TOPAZ1: variants seen among roughly 807,000 people sequenced by gnomAD.
TOPAZ1 encodes the protein protein TOPAZ1.
Under a neutral mutation model 172.2 loss-of-function variants are expected in TOPAZ1, and 66 were observed. The observed-to-expected ratio is 0.38, with a 90% CI of 0.31 to 0.47. The LOEUF (loss-of-function observed/expected upper bound fraction) is 0.47. Among genes scored for constraint, TOPAZ1 ranks in the 20% least tolerant of loss-of-function variants. The pLI is 0.99. For missense variants in TOPAZ1, 1,822 were observed against 1,972.4 expected (o/e 0.92, Z 1.44); for synonymous variants, 681 against 683.9 (o/e 1.00, Z 0.07).
At chr3:44,273,844 G>C (rs1699923505) in intron 8 of TOPAZ1, among the ~76,000 whole-genome samples, 1 of 152,084 alleles carries the variant, frequency 6.6e-6, no homozygotes, top group Admixed American at 6.5e-5. Flanking sequence ...ATATAGATAG[G>C]CAAATTATTA....
In TOPAZ1 at chr3:44,290,803, G is replaced by A. The variant is rs1700128825; in HGVS notation, c.3714G>A (p.Glu1238=). 1 of 1,549,746 alleles carries A rather than the reference G, an allele frequency of 6.5e-7. No individual in the cohort carries two copies. Residue 1238 remains glutamate, a synonymous_variant, in exon 12 of 20, where the codon GAG becomes GAA. Transcript: ENST00000309765. ...LVEAGMVLDP[E]HFNYIVKLLY... ...AAGCCGGGATGGTGCTTGACCCAGA[G>A]CACTTTAACTATATTGTTAAGCTTT...
chr3:44,278,871 A>G (rs934984686), intron 8 of TOPAZ1, among the ~76,000 whole-genome samples: 20 of 136,954 alleles, frequency 1.5e-4, no homozygotes, highest in African/African-American at 5.2e-4. Flanking sequence ...TCCTTCTACT[A>G]GTTTTGGGTT....
intron 8 of TOPAZ1, among the ~76,000 whole-genome samples, chr3:44,276,666 G>A (rs1184629816): frequency 3.8e-5 from 2 of 52,754 alleles, no homozygotes; most frequent in Non-Finnish European, 6.9e-5. Flanking sequence ...AGAATTGCTT[G>A]GCCTATTCTG....
Position 44,328,264 on chromosome 3 carries a change from G to T in TOPAZ1, c.4690G>T (p.Gly1564Cys), listed in dbSNP as rs1700625059. The change falls in exon 19 of 20, where the codon GGT becomes TGT. Residue 1564 changes from glycine to cysteine, a missense_variant. Around this residue, in one of 2 missense-constraint regions of TOPAZ1, gnomAD observed 333 missense variants for 481.7 expected, o/e 0.69. Coordinates refer to ENST00000309765, the MANE Select transcript of TOPAZ1 (RefSeq NM_001145030.2). ...RAHYKSALSLGCYPPLEGNLY... is the reference protein window; with the variant it reads ...RAHYKSALSLCCYPPLEGNLY... ...TGATTTTTCAGGTGCTCTTTCCTTGGGTTGCTACCCACCATTGGAAGGAAA... is the reference window on the plus strand; with the variant it reads ...TGATTTTTCAGGTGCTCTTTCCTTGTGTTGCTACCCACCATTGGAAGGAAA... The T allele has an allele frequency of 6.7e-7, 1 of 1,495,798 alleles. No individual in the cohort carries two copies. The highest frequency in any genetic ancestry group is 1.3e-5 in the South Asian group (1 of 75,240). 92.7% of individuals were successfully genotyped at this position (1,495,798 alleles called of 1,614,324 possible).
At chr3:44,291,147 T>A (rs557684208) in intron 12 of TOPAZ1, among the ~76,000 whole-genome samples, 3 of 152,284 alleles carry the variant, frequency 2.0e-5, no homozygotes, top group Non-Finnish European at 4.4e-5. Flanking sequence ...TATCTTCTGT[T>A]TCACCACTTA....
At chr3:44,275,456 T>C (rs1699943329) in intron 8 of TOPAZ1, among the ~76,000 whole-genome samples, 1 of 152,106 alleles carries the variant, frequency 6.6e-6, no homozygotes, top group Non-Finnish European at 1.5e-5. Context: ...ATGGTATATG[T>C]GTCTTTGTGC....
chr3:44,290,761 T>C lies in TOPAZ1; in HGVS notation c.3682-10T>C. 6.6e-7 allele frequency: 1 copy of C among 1,521,040 alleles called. No homozygotes were observed. Among genetic ancestry groups the C allele is most frequent in the Non-Finnish European group, 8.9e-7 (1 of 1,125,938 alleles). The allele number at this position is 1,521,040 out of a possible 1,614,324, so 94.2% of individuals were successfully genotyped here. A position where few individuals can be genotyped will look rare whatever the true frequency, so the allele number is the denominator to read the frequency against. On this transcript the variant is annotated splice_polypyrimidine_tract_variant and intron_variant, in intron 11 of 19. Transcript: ENST00000309765. ...GTAAGAATAACCACTCTTTCTTTTC[T>C]CTTCTACAGCTTGTTGAAGCCGGGA...
Position 44,262,400 on chromosome 3 carries a change from A to G in TOPAZ1, c.2956-19A>G. The G allele has an allele frequency of 7.3e-7, 1 of 1,366,702 alleles. No homozygotes were observed. The highest frequency in any genetic ancestry group is 1.0e-6 in the Non-Finnish European group (1 of 995,096). 84.7% of individuals were successfully genotyped at this position (1,366,702 alleles called of 1,614,324 possible). ...CAGAGACCTTCACTTGTACTTATTT[A>G]ACCATAATCTCTTCACAGCATAGAT... is the stretch of plus-strand genomic sequence containing the variant. On this transcript the variant is annotated intron_variant, in intron 4 of 19. Transcript: ENST00000309765.
chr3:44,323,075 CA>C lies in TOPAZ1; in HGVS notation c.4472-16del, dbSNP rs1700558440. 4 of 1,471,840 alleles carry C rather than the reference CA, an allele frequency of 2.7e-6. No individual in the cohort carries two copies. The highest frequency in any genetic ancestry group is 1.3e-5 in the South Asian group (1 of 74,346). The allele number at this position is 1,471,840 out of a possible 1,614,324, so 91.2% of individuals were successfully genotyped here. ...TTAATATAAATGAATTTTATTATATCATTTTTTTTATTCCAGAAACTGTGGA... is the reference window on the plus strand; with the variant it reads ...TTAATATAAATGAATTTTATTATATCTTTTTTTTATTCCAGAAACTGTGGA... On this transcript the variant is annotated splice_polypyrimidine_tract_variant and intron_variant, in intron 17 of 19. Coordinates refer to ENST00000309765, the MANE Select transcript of TOPAZ1 (RefSeq NM_001145030.2).
intron 18 of TOPAZ1, among the ~76,000 whole-genome samples, chr3:44,327,863 G>A (rs1700618985): frequency 6.6e-6 from 1 of 152,050 alleles, no homozygotes; most frequent in African/African-American, 2.4e-5. Flanking sequence ...TCCTGACTCA[G>A]CCTCCCGAGT....
chr3:44,252,523 T>G (rs1343313212), intron 2 of TOPAZ1, among the ~76,000 whole-genome samples: 1 of 152,246 alleles, frequency 6.6e-6, no homozygotes, highest in Non-Finnish European at 1.5e-5. Context: ...ATTTCCTGTT[T>G]GGCAACTATG....
At chr3:44,289,315 A>G (rs1700110451) in intron 11 of TOPAZ1, among the ~76,000 whole-genome samples, 1 of 152,200 alleles carries the variant, frequency 6.6e-6, no homozygotes, top group Non-Finnish European at 1.5e-5. Context: ...TTACTTCATG[A>G]TGTTTGGAAA....
At chr3:44,296,854 AAAAAAAAAAAG>A (rs1434002482) in intron 12 of TOPAZ1, among the ~76,000 whole-genome samples, 4 of 124,898 alleles carry the variant, frequency 3.2e-5, no homozygotes, top group South Asian at 2.7e-4. Flanking sequence ...TACCAAAAAA[AAAAAAAAAAAG>A]AAAAAAAAAA....
chr3:44,305,072 C>T (rs1185358440), intron 13 of TOPAZ1, 75 bp from the exon 14 acceptor site: 1 of 1,127,086 alleles, frequency 8.9e-7, no homozygotes, highest in East Asian at 2.6e-5. Context: ...ATGCTTTGCC[C>T]TAAAGACATG....
intron 5 of TOPAZ1, among the ~76,000 whole-genome samples, chr3:44,266,169 C>T (rs1699828373): frequency 6.6e-6 from 1 of 152,150 alleles, no homozygotes; most frequent in Admixed American, 6.5e-5. Flanking sequence ...CACTCTCAGC[C>T]CTCACAGAAT....
intron 12 of TOPAZ1, 134 bp downstream of exon 12, chr3:44,291,020 T>G (rs989788699): frequency 2.2e-5 from 12 of 553,542 alleles, no homozygotes; most frequent in African/African-American, 2.2e-4. Context: ...ACCCTTCTCC[T>G]GTCTCTTGGC....
At chr3:44,287,077 T>C (rs1700088152) in intron 9 of TOPAZ1, among the ~76,000 whole-genome samples, 2 of 152,208 alleles carry the variant, frequency 1.3e-5, no homozygotes, top group Admixed American at 6.5e-5. Context: ...GCCTCAAGAC[T>C]GCCTGGGAGC....
At chr3:44,257,352 G>GGTGTGTGTGT (rs59827431) in intron 4 of TOPAZ1, among the ~76,000 whole-genome samples, 1,372 of 110,300 alleles carry the variant, frequency 0.012, 20 homozygotes, top group Admixed American at 0.015. Context: ...AAAACATAGG[G>GGTGTGTGTGT]GTGTGTGTGT....
chr3:44,259,091 C>G (rs912306325), intron 4 of TOPAZ1, among the ~76,000 whole-genome samples: 6 of 152,160 alleles, frequency 3.9e-5, no homozygotes, highest in African/African-American at 1.4e-4. Context: ...TTTCCAGTTT[C>G]TGATTTTACC....
Sources: gnomAD v4.1 joint callset for allele counts (sites outside exome capture counted in the v4.1 genomes callset) on GRCh38, gnomAD v4.1.1 for gene constraint, gnomAD v4.1.1 regional missense constraint, MANE v1.5 for transcripts, NCBI Gene and HGNC (gene_info 2026-07-23, HGNC 2026-07-21) for gene names.